Variants in RLF observed in about 807,000 individuals in gnomAD.
The protein encoded by RLF is RLF zinc finger.
A neutral mutation model predicts 162.9 loss-of-function variants in RLF; 7 were observed. The ratio of observed to expected loss-of-function variants is 0.04; its 90% CI spans 0.02 to 0.08. The LOEUF is 0.08. Ranked by LOEUF, RLF falls within the 10% of genes least tolerant of loss-of-function variation. The pLI is 1.00. For missense variants in RLF, 1,664 were observed against 2,244.7 expected (o/e 0.74, Z 5.23); for synonymous variants, 782 against 791.5 (o/e 0.99, Z 0.20).
chr1:40,203,005 A>G (rs1198769270), intron 5 of RLF, among the ~76,000 whole-genome samples: 1 of 151,870 alleles, frequency 6.6e-6, no homozygotes, highest in Non-Finnish European at 1.5e-5. Flanking sequence ...GTTACTTTAT[A>G]TATTTAATTT....
At chr1:40,229,448 C>CTTT (rs1005418216) in intron 6 of RLF, among the ~76,000 whole-genome samples, 218 of 90,976 alleles carry the variant, frequency 2.4e-3, no homozygotes, top group East Asian at 3.1e-3. Flanking sequence ...ATTCATTTAT[C>CTTT]TTTTTTTTTT....
intron 3 of RLF, among the ~76,000 whole-genome samples, chr1:40,191,576 G>A (rs190761368): frequency 4.7e-4 from 71 of 151,848 alleles, no homozygotes; most frequent in Non-Finnish European, 7.8e-4. Flanking sequence ...AATAGACCGG[G>A]CATGGTGGTA....
intron 4 of RLF, among the ~76,000 whole-genome samples, chr1:40,200,750 TTATA>T (rs142341961): frequency 6.7e-6 from 1 of 148,530 alleles, no homozygotes; most frequent in Non-Finnish European, 1.5e-5. Flanking sequence ...AAATCTGTGA[TTATA>T]TATATATATA....
At chr1:40,185,469 C>A (rs1356275273) in intron 1 of RLF, among the ~76,000 whole-genome samples, 1 of 115,296 alleles carries the variant, frequency 8.7e-6, no homozygotes, top group East Asian at 2.7e-4. Context: ...AGGATTACAG[C>A]CATCCTGTTA....
Position 40,161,576 on chromosome 1 carries a change from G to T in RLF, c.177G>T (p.Glu59Asp). ...LRPCLWQLET[E>D]LREQEVSEVS... ...CGTGTCTGTGGCAGCTGGAGACAGA[G>T]CTGAGGGAGCAAGAGGTGTCGGAGG... The change falls in exon 1 of 8, where the codon GAG becomes GAT. Residue 59 changes from glutamate to aspartate, a missense_variant. Physicochemically the swap from Glu to Asp is conservative, Grantham distance 45. Transcript: ENST00000372771. This position sits in a 1 kb window ranked among gnomAD's most constrained non-coding sequence, Gnocchi z 4.4. 6.2e-7 allele frequency: 1 copy of T among 1,613,170 alleles called. No individual in the cohort carries two copies. Among genetic ancestry groups the T allele is most frequent in the Non-Finnish European group, 8.5e-7 (1 of 1,179,582 alleles).
rs749682937 is a variant in RLF at position 40,239,281 on chromosome 1, C to T, written c.4579C>T (p.Pro1527Ser). Reference sequence around the variant, plus strand: ...TGGCTTAATCAAAGAAAAGAAAGCCCCAATAAGTTTTAAAACCAGAGCTGA... The same window carrying T: ...TGGCTTAATCAAAGAAAAGAAAGCCTCAATAAGTTTTAAAACCAGAGCTGA... ...KCGLIKEKKA[P>S]ISFKTRAEAL... The change falls in exon 8 of 8, where the codon CCA becomes TCA. Residue 1527 changes from proline to serine, a missense_variant. Pro to Ser is a moderately conservative substitution (Grantham distance 74). Transcript: ENST00000372771. 2.5e-6 allele frequency: 4 copies of T among 1,613,872 alleles called. No individual in the cohort carries two copies. In the African/African-American group the frequency reaches 5.3e-5, roughly 22 times the overall value.
intron 1 of RLF, among the ~76,000 whole-genome samples, chr1:40,167,872 C>T (rs1394898093): frequency 6.6e-6 from 1 of 151,522 alleles, no homozygotes; most frequent in Non-Finnish European, 1.5e-5. Context: ...CTGTATCTCC[C>T]ACTTGAATTT....
At chr1:40,223,924 C>G (rs1472473569) in intron 6 of RLF, among the ~76,000 whole-genome samples, 2 of 152,242 alleles carry the variant, frequency 1.3e-5, no homozygotes, top group Non-Finnish European at 2.9e-5. Flanking sequence ...TTTTTTACCA[C>G]CAAATCCACT....
intron 3 of RLF, among the ~76,000 whole-genome samples, chr1:40,193,018 C>T (rs1277519519): frequency 1.4e-5 from 2 of 147,244 alleles, no homozygotes; most frequent in Admixed American, 6.8e-5. Context: ...TTTTGATGAT[C>T]ACCTAGAATT....
rs1335774889 is a variant in RLF, at chr1:40,161,548, G to A, written c.149G>A (p.Arg50Gln). Residue 50 changes from arginine to glutamine, a missense_variant, in exon 1 of 8, where the codon CGG becomes CAG. Transcript: ENST00000372771. This position sits in a 1 kb window ranked among gnomAD's most constrained non-coding sequence, Gnocchi z 4.4. ...VSPAPGASGL[R>Q]PCLWQLETEL... ...CCAGCGCCGGGAGCCTCGGGACTGCGGCCGTGTCTGTGGCAGCTGGAGACA... is the reference window on the plus strand; with the variant it reads ...CCAGCGCCGGGAGCCTCGGGACTGCAGCCGTGTCTGTGGCAGCTGGAGACA... 10 of 1,608,230 alleles carry A rather than the reference G, an allele frequency of 6.2e-6. No homozygotes were observed. In the South Asian group the frequency reaches 8.9e-5, roughly 14 times the overall value.
chr1:40,193,753 T>TTGGG (rs1553173614), intron 3 of RLF, among the ~76,000 whole-genome samples: 1 of 151,920 alleles, frequency 6.6e-6, no homozygotes, highest in Non-Finnish European at 1.5e-5. Context: ...ATGCAACATA[T>TTGGG]TGGGTGGGTG....
rs556303624 is a variant in RLF at position 40,187,616 on chromosome 1, G to A, written c.238-1439G>A. 7.2e-5 allele frequency among the ~76,000 whole-genome samples: 11 copies of A among 152,286 alleles called. No individual in the cohort carries two copies. The East Asian group carries it at 2.1e-3, about 29-fold the overall frequency. On this transcript the variant is annotated intron_variant, in intron 1 of 7. Coordinates refer to ENST00000372771, the MANE Select transcript of RLF (RefSeq NM_012421.4). ...CAACTGACTGTAATGATTCAGGTAT[G>A]CAAAGATCAGATAATGCAATATATT...
At chr1:40,232,525 T>C (rs980336334) in intron 7 of RLF, among the ~76,000 whole-genome samples, 4 of 152,180 alleles carry the variant, frequency 2.6e-5, no homozygotes, top group African/African-American at 9.7e-5. Context: ...TCAAAGCTTA[T>C]TCTTATCGAC....
rs1032730521 is a variant in RLF at position 40,167,006 on chromosome 1, TA to T, written c.237+5379del. ...TACCCTAGAACTTAAAGTATAATTT[TA>T]AAAAAAAAGAAATTACTATAAAGGA... On this transcript the variant is annotated intron_variant, in intron 1 of 7. Transcript: ENST00000372771. Among the ~76,000 whole-genome samples, 5 of 151,380 alleles carry T rather than the reference TA, an allele frequency of 3.3e-5. No homozygotes were observed. The East Asian group carries it at 5.8e-4, about 18-fold the overall frequency.
intron 6 of RLF, among the ~76,000 whole-genome samples, chr1:40,226,607 G>T (rs1209315406): frequency 6.6e-6 from 1 of 152,180 alleles, no homozygotes; most frequent in African/African-American, 2.4e-5. Context: ...ACTAGCATAT[G>T]TGTTTTATTT....
intron 6 of RLF, among the ~76,000 whole-genome samples, chr1:40,226,578 T>C (rs1643081325): frequency 6.6e-6 from 1 of 152,210 alleles, no homozygotes; most frequent in South Asian, 2.1e-4. Context: ...CACGGTTGTG[T>C]CCTAAGTAAC....
At chr1:40,182,261 C>G (rs986046368) in intron 1 of RLF, among the ~76,000 whole-genome samples, 1 of 151,986 alleles carries the variant, frequency 6.6e-6, no homozygotes. Flanking sequence ...GTGAAACCCC[C>G]GTCTCTACTA....
rs147660558 is a variant in RLF at position 40,163,070 on chromosome 1, G to C, written c.237+1434G>C. Among the ~76,000 whole-genome samples, 520 of 152,268 alleles carry C rather than the reference G, an allele frequency of 3.4e-3. 2 individuals carry two copies. Among genetic ancestry groups the C allele is most frequent in the Non-Finnish European group, 4.4e-3 (299 of 68,026 alleles). ...GGAGGTGTTGTAGAGACAATGGTGAGGAGAGAGCCTTCATGGGATATCCTG... is the reference window on the plus strand; with the variant it reads ...GGAGGTGTTGTAGAGACAATGGTGACGAGAGAGCCTTCATGGGATATCCTG... On this transcript the variant is annotated intron_variant, in intron 1 of 7. Coordinates refer to ENST00000372771, the MANE Select transcript of RLF (RefSeq NM_012421.4).
chr1:40,237,021 T>C lies in RLF; in HGVS notation c.2319T>C (p.Cys773=). The C allele has an allele frequency of 6.2e-7, 1 of 1,614,152 alleles. No individual in the cohort carries two copies. The change falls in exon 8 of 8, where the codon TGT becomes TGC. Residue 773 remains cysteine (C), a synonymous_variant. Coordinates refer to ENST00000372771, the MANE Select transcript of RLF (RefSeq NM_012421.4). This position sits in a 1 kb window ranked among gnomAD's most constrained non-coding sequence, Gnocchi z 4.4. ...KQKHDDLRYK[C]ELNGCNIVFS... ...AGCATGACGATCTGCGTTACAAATGTGAATTAAATGGCTGTAATATTGTTT... is the reference window on the plus strand; with the variant it reads ...AGCATGACGATCTGCGTTACAAATGCGAATTAAATGGCTGTAATATTGTTT...
Sources: gnomAD v4.1 joint callset for allele counts (sites outside exome capture counted in the v4.1 genomes callset) on GRCh38, gnomAD v4.1.1 for gene constraint, Gnocchi (gnomAD v3.1) non-coding constraint, MANE v1.5 for transcripts, NCBI Gene and HGNC (gene_info 2026-07-23, HGNC 2026-07-21) for gene names.